GLRA2: variants seen among roughly 807,000 people sequenced by gnomAD.
The protein encoded by GLRA2 is glycine receptor alpha 2, also known as glycine receptor subunit alpha-2.
In GLRA2, 11 loss-of-function variants were observed where a neutral mutation model predicts 31.6. That is an observed-to-expected ratio of 0.35 (90% CI 0.22 to 0.58). The LOEUF (loss-of-function observed/expected upper bound fraction) is 0.58. GLRA2 is among the 20% of genes least tolerant of loss of function. GLRA2 has a pLI of 0.84. For synonymous variants in GLRA2, 132 were observed against 134.0 expected, an observed-to-expected ratio of 0.99 and a Z score of 0.10; for missense variants, 212 against 351.8, an observed-to-expected ratio of 0.60 and a Z score of 3.18.
chrX:14,596,877 C>T (rs1369439373), intron 4 of GLRA2, among the ~76,000 whole-genome samples: 4 of 111,090 alleles, frequency 3.6e-5, no homozygotes, highest in Non-Finnish European at 1.9e-5. Context: ...TAACCAAGCC[C>T]ATAAGACAAT....
At chrX:14,530,339 A>G (rs2089237448) in intron 1 of GLRA2, among the ~76,000 whole-genome samples, 1 of 111,993 alleles carries the variant, frequency 8.9e-6, no homozygotes, top group African/African-American at 3.2e-5. Flanking sequence ...ACTCTATGCA[A>G]TTCAACACAC....
intron 8 of GLRA2, among the ~76,000 whole-genome samples, chrX:14,710,038 G>A (rs775686306): frequency 9.0e-6 from 1 of 111,705 alleles, no homozygotes; most frequent in Non-Finnish European, 1.9e-5. Context: ...CTCTCCTCAG[G>A]ACATGCCTCA....
intron 7 of GLRA2, among the ~76,000 whole-genome samples, chrX:14,680,541 T>C (rs1035097944): frequency 9.0e-6 from 1 of 111,646 alleles, no homozygotes; most frequent in Non-Finnish European, 1.9e-5. Context: ...GCTCAAAACA[T>C]CTAAGGATTA....
At chrX:14,462,452 G>C in the GLRA2 span, among the ~76,000 whole-genome samples, 1 of 111,706 alleles carries the variant, frequency 9.0e-6, no homozygotes, top group East Asian at 2.8e-4. Context: ...TTTCTAACTT[G>C]GTTCCATTCT....
intron 7 of GLRA2, among the ~76,000 whole-genome samples, chrX:14,625,983 C>T (rs1416274296): frequency 8.9e-6 from 1 of 111,862 alleles, no homozygotes; most frequent in Non-Finnish European, 1.9e-5. Flanking sequence ...GATCTCGAAC[C>T]CAGGCAGTCT....
At position 14,596,536 on chromosome X, in the gene GLRA2, T is replaced by C. The variant is rs140621565; in HGVS notation, c.495-7779T>C. 9.2e-3 allele frequency among the ~76,000 whole-genome samples: 1,012 copies of C among 110,386 alleles called. 12 individuals carry two copies. Among genetic ancestry groups the C allele is most frequent in the African/African-American group, 0.032 (957 of 30,369 alleles). On this transcript the variant is annotated intron_variant, in intron 4 of 8. Coordinates refer to ENST00000218075, the MANE Select transcript of GLRA2 (RefSeq NM_002063.4). ...CTTGAGGCTAACTGTCCTACCCTAA[T>C]GTCGAGAGGCTGAGGGAGGAGAATC...
chrX:14,721,270 G>C (rs1258770389), intron 8 of GLRA2, among the ~76,000 whole-genome samples: 1 of 111,018 alleles, frequency 9.0e-6, no homozygotes, highest in Non-Finnish European at 1.9e-5. Context: ...ATAGCATGGT[G>C]ACTATAGTTA....
At chrX:14,619,995 G>A (rs946981833) in intron 7 of GLRA2, among the ~76,000 whole-genome samples, 5 of 94,225 alleles carry the variant, frequency 5.3e-5, no homozygotes, top group Non-Finnish European at 1.1e-4. Flanking sequence ...CTAGCCAGGC[G>A]CCCCCCCGTT....
At chrX:14,670,566 G>A (rs748397937) in intron 7 of GLRA2, among the ~76,000 whole-genome samples, 17 of 111,440 alleles carry the variant, frequency 1.5e-4, no homozygotes, top group East Asian at 2.8e-4. Context: ...TTATGTGGAC[G>A]GCAGCAGGCA....
At position 14,581,395 on chromosome X, in the gene GLRA2, C is replaced by G. The variant is rs1569502079; in HGVS notation, c.483C>G (p.Leu161=). 2 of 1,149,106 alleles carry G rather than the reference C, an allele frequency of 1.7e-6. No homozygotes were observed. Among genetic ancestry groups the G allele is most frequent in the East Asian group, 3.0e-5 (1 of 33,633 alleles). The allele number at this position is 1,149,106 out of a possible 1,213,427, so 94.7% of individuals were successfully genotyped here. ...LLRISKNGKV[L]YSIRLTLTLS... is the part of the protein sequence containing the mutation. ...GGATTTCGAAAAATGGCAAAGTGCT[C>G]TACAGTATCAGGTAAGCCTCCATTG... The change falls in exon 4 of 9, where the codon CTC becomes CTG. Residue 161 remains leucine, a synonymous_variant. Transcript: ENST00000218075.
intron 7 of GLRA2, among the ~76,000 whole-genome samples, chrX:14,621,777 G>A (rs1172498160): frequency 1.8e-5 from 2 of 112,056 alleles, no homozygotes; most frequent in Admixed American, 1.9e-4. Flanking sequence ...TAGACATTTG[G>A]GTTGGTTGCA....
chrX:14,481,499 C>G, the GLRA2 span, among the ~76,000 whole-genome samples: 1 of 111,394 alleles, frequency 9.0e-6, no homozygotes, highest in African/African-American at 3.3e-5. Context: ...GAAAATCCAG[C>G]TGCCCATTCT....
chrX:14,546,494 T>TA (rs928409248), intron 2 of GLRA2, among the ~76,000 whole-genome samples: 20 of 110,461 alleles, frequency 1.8e-4, no homozygotes, highest in Admixed American at 1.6e-3. Flanking sequence ...TAAACCCTAT[T>TA]AAAAAAAAGA....
At chrX:14,683,321 A>G (rs2091237048) in intron 7 of GLRA2, among the ~76,000 whole-genome samples, 1 of 111,631 alleles carries the variant, frequency 9.0e-6, no homozygotes, top group African/African-American at 3.3e-5. Context: ...GCAGTTTTTC[A>G]TGTGTCTGTT....
the GLRA2 span, among the ~76,000 whole-genome samples, chrX:14,456,144 T>A: frequency 8.9e-6 from 1 of 111,838 alleles, no homozygotes; most frequent in African/African-American, 3.2e-5. Flanking sequence ...TTGAGAATTT[T>A]AAATTTTTTT....
At chrX:14,478,497 G>C in the GLRA2 span, among the ~76,000 whole-genome samples, 1 of 111,917 alleles carries the variant, frequency 8.9e-6, no homozygotes, top group African/African-American at 3.2e-5. Context: ...ATTTGTGTGG[G>C]TGTGTTTCTG....
At position 14,700,456 on chromosome X, in the gene GLRA2, G is replaced by C. The variant is rs188532949; in HGVS notation, c.1080+9597G>C. ...CAGGCAGGGGGAAAGGAGCCCATGA[G>C]AGAGACAGAGAAGGTCAGACGGCTA... On this transcript the variant is annotated intron_variant, in intron 8 of 8. Transcript: ENST00000218075. 3.1e-4 allele frequency among the ~76,000 whole-genome samples: 35 copies of C among 111,542 alleles called. 1 individual carries two copies. In the East Asian group the frequency reaches 9.3e-3, roughly 30 times the overall value.
the GLRA2 span, among the ~76,000 whole-genome samples, chrX:14,491,058 A>G: frequency 8.9e-6 from 1 of 111,947 alleles, no homozygotes; most frequent in African/African-American, 3.2e-5. Flanking sequence ...CTGAGATTAT[A>G]GTCAGAATTA....
the GLRA2 span, among the ~76,000 whole-genome samples, chrX:14,464,040 G>T: frequency 1.8e-5 from 2 of 111,930 alleles, no homozygotes; most frequent in Non-Finnish European, 3.8e-5. Flanking sequence ...TAATCAGATT[G>T]TTTTGCTGTT....
Sources: gnomAD v4.1 joint callset for allele counts (sites outside exome capture counted in the v4.1 genomes callset) on GRCh38, gnomAD v4.1.1 for gene constraint, MANE v1.5 for transcripts, NCBI Gene and HGNC (gene_info 2026-07-23, HGNC 2026-07-21) for gene names.